C21orf58: variants seen among roughly 807,000 people sequenced by gnomAD.
C21orf58 encodes the protein uncharacterized protein C21orf58.
C21orf58 carries 34 observed loss-of-function variants against 35.8 expected under a neutral mutation model. The ratio of observed to expected loss-of-function variants is 0.95; its 90% CI spans 0.72 to 1.26. The LOEUF (loss-of-function observed/expected upper bound fraction) is 1.26, where lower values mean the gene tolerates loss of function less well. C21orf58 is among the 50% of genes most tolerant of loss of function. The pLI, the probability that C21orf58 is intolerant of heterozygous loss-of-function variation, is 0.00. For synonymous variants in C21orf58, 191 were observed against 175.8 expected, an observed-to-expected ratio of 1.09 and a Z score of -0.68; for missense variants, 440 against 414.3, an observed-to-expected ratio of 1.06 and a Z score of -0.54.
At chr21:46,316,292 C>A (rs764723995) in intron 3 of C21orf58, among the ~76,000 whole-genome samples, 2 of 152,090 alleles carry the variant, frequency 1.3e-5, no homozygotes, top group Non-Finnish European at 2.9e-5. Context: ...CCCTTCTCTA[C>A]TAAAAATACA....
chr21:46,303,853 G>A (rs2082290630), intron 6 of C21orf58, among the ~76,000 whole-genome samples: 2 of 143,762 alleles, frequency 1.4e-5, no homozygotes, highest in African/African-American at 5.2e-5. Context: ...CTGGGTTCAC[G>A]CCATTCTCCT....
At chr21:46,314,131 G>GTTTTTTTTTTTGT (rs140166854) in intron 5 of C21orf58, among the ~76,000 whole-genome samples, 47 of 145,086 alleles carry the variant, frequency 3.2e-4, no homozygotes, top group African/African-American at 9.2e-4. Context: ...GCATGATAAA[G>GTTTTTTTTTTTGT]TTTTTTTTTT....
intron 7 of C21orf58, 67 bp from the exon 8 acceptor site, chr21:46,302,221 T>TAG: frequency 7.0e-7 from 1 of 1,431,976 alleles, no homozygotes; most frequent in Non-Finnish European, 9.1e-7. Context: ...TCCCGCCCTG[T>TAG]TCCTAACTGG....
chr21:46,302,443 C>T, intron 7 of C21orf58, 42 bp downstream of exon 7: 1 of 1,470,450 alleles, frequency 6.8e-7, no homozygotes, highest in Non-Finnish European at 9.4e-7. Flanking sequence ...CCACCCAGGC[C>T]CTGTTTCCTT....
intron 1 of C21orf58, 139 bp from the exon 2 acceptor site, chr21:46,318,359 T>A: frequency 6.8e-7 from 1 of 1,469,846 alleles, no homozygotes; most frequent in Admixed American, 2.3e-5. Context: ...AGGTTTCCAC[T>A]GTGCGTCCTC....
downstream of C21orf58, chr21:46,300,526 A>T: frequency 1.9e-6 from 1 of 517,938 alleles, no homozygotes; most frequent in Non-Finnish European, 2.7e-6. Context: ...TTGAGCTTTT[A>T]ACGAGAGCAC....
At chr21:46,305,550 G>A (rs2082377349) in intron 6 of C21orf58, among the ~76,000 whole-genome samples, 2 of 151,994 alleles carry the variant, frequency 1.3e-5, no homozygotes, top group East Asian at 3.9e-4. Flanking sequence ...GGCTGGTCTT[G>A]AACTCCTAGG....
At chr21:46,316,007 C>A (rs1371409516) in intron 3 of C21orf58, among the ~76,000 whole-genome samples, 1 of 152,042 alleles carries the variant, frequency 6.6e-6, no homozygotes, top group Non-Finnish European at 1.5e-5. Context: ...CCCCCTAGTC[C>A]GGGCGTGGTG....
chr21:46,315,259 G>A, intron 4 of C21orf58: 2 of 593,308 alleles, frequency 3.4e-6, no homozygotes, highest in South Asian at 2.1e-5. Context: ...AGAATTTCAG[G>A]TCCTCCTGGA....
chr21:46,301,642 C>T lies in C21orf58; in HGVS notation c.*357G>A, dbSNP rs1483038949. Reference sequence around the variant, plus strand: ...AATCTTTATTTCATCAGGCTGGTGGCGTCCACGGCCTCAACTTTACCTCCG... The same window carrying T: ...AATCTTTATTTCATCAGGCTGGTGGTGTCCACGGCCTCAACTTTACCTCCG... On this transcript the variant is annotated 3_prime_UTR_variant, in exon 8 of 8. Transcript: ENST00000291691. The T allele has an allele frequency of 7.4e-6, 8 of 1,079,690 alleles. No individual in the cohort carries two copies. The highest frequency in any genetic ancestry group is 4.5e-5 in the South Asian group (1 of 22,188). 66.9% of individuals were successfully genotyped at this position (1,079,690 alleles called of 1,614,324 possible).
rs2083010560 is a variant in C21orf58, at chr21:46,317,330, G to A, written c.310-62C>T. 9 of 1,581,998 alleles carry A rather than the reference G, an allele frequency of 5.7e-6. 1 individual carries two copies. The South Asian group carries it at 1.0e-4, about 18-fold the overall frequency. On this transcript the variant is annotated intron_variant, in intron 2 of 7. Coordinates refer to ENST00000291691, the MANE Select transcript of C21orf58 (RefSeq NM_058180.5). ...CCACGCAAAGGCCCTGTGTGCTCCA[G>A]GAATGACTAAGAGGCTTTCTGAGTG...
chr21:46,319,666 A>C (rs1007246279), intron 1 of C21orf58, among the ~76,000 whole-genome samples: 1 of 152,190 alleles, frequency 6.6e-6, no homozygotes, highest in African/African-American at 2.4e-5. Context: ...AGGGAGGCTG[A>C]GGCAGGCAGA....
intron 2 of C21orf58, among the ~76,000 whole-genome samples, chr21:46,317,701 G>T (rs138611493): frequency 9.2e-5 from 14 of 152,314 alleles, no homozygotes; most frequent in African/African-American, 3.4e-4. Context: ...GCTGGCGAAA[G>T]GTGGGCAGCA....
chr21:46,322,810 G>T lies in C21orf58; in HGVS notation c.-72C>A. Reference sequence around the variant, plus strand: ...AAAAAATTCTGAGCGAGATTCCAGGGCTTCCTGAGGGCGCGTTTAAGTTGC... The same window carrying T: ...AAAAAATTCTGAGCGAGATTCCAGGTCTTCCTGAGGGCGCGTTTAAGTTGC... On this transcript the variant is annotated 5_prime_UTR_variant, in exon 1 of 8. Transcript: ENST00000291691. 1 of 1,065,832 alleles carries T rather than the reference G, an allele frequency of 9.4e-7. No individual in the cohort carries two copies. The allele number at this position is 1,065,832 out of a possible 1,614,324, so 66.0% of individuals were successfully genotyped here.
chr21:46,313,856 T>C (rs1430454402), intron 5 of C21orf58, among the ~76,000 whole-genome samples: 1 of 152,072 alleles, frequency 6.6e-6, no homozygotes, highest in Non-Finnish European at 1.5e-5. Context: ...TGTCTAGAAA[T>C]TCCCACCTCA....
chr21:46,316,202 T>C (rs987192547), intron 3 of C21orf58, among the ~76,000 whole-genome samples: 3 of 151,688 alleles, frequency 2.0e-5, no homozygotes, highest in African/African-American at 7.3e-5. Flanking sequence ...ACACCTATAA[T>C]CTCAGCACTT....
intron 1 of C21orf58, 23 bp from the exon 2 acceptor site, chr21:46,318,243 T>C (rs2083049242): frequency 6.2e-7 from 1 of 1,610,030 alleles, no homozygotes; most frequent in Non-Finnish European, 8.5e-7. Context: ...AAGAGCCCTG[T>C]GGGAAGATAG....
Position 46,306,431 on chromosome 21 carries a change from G to A in C21orf58, c.722-3855C>T, listed in dbSNP as rs149435091. On this transcript the variant is annotated intron_variant, in intron 6 of 7. Transcript: ENST00000291691. The stretch of plus-strand genomic sequence containing the variant: ...GGAGAATCGCTTCAACCTAGGAGGC[G>A]GAGGTTGCATTGAGCTGAGATCATG... Among the ~76,000 whole-genome samples, 579 of 151,842 alleles carry A rather than the reference G, an allele frequency of 3.8e-3. 2 individuals are homozygous for A. Among genetic ancestry groups the A allele is most frequent in the Non-Finnish European group, 5.9e-3 (403 of 67,936 alleles).
chr21:46,322,759 G>A lies in C21orf58; in HGVS notation c.-21C>T. ...GCCATTGCGCTATAGCCTGGGCGTC[G>A]CAGCGAGACTGTCTCAAAAAAAGAA... On this transcript the variant is annotated 5_prime_UTR_variant, in exon 1 of 8. Coordinates refer to ENST00000291691, the MANE Select transcript of C21orf58 (RefSeq NM_058180.5). 1 of 1,424,146 alleles carries A rather than the reference G, an allele frequency of 7.0e-7. No homozygotes were observed. Among genetic ancestry groups the A allele is most frequent in the Non-Finnish European group, 9.3e-7 (1 of 1,071,852 alleles). The allele number at this position is 1,424,146 out of a possible 1,614,324, so 88.2% of individuals were successfully genotyped here.
Sources: gnomAD v4.1 joint callset for allele counts (sites outside exome capture counted in the v4.1 genomes callset) on GRCh38, gnomAD v4.1.1 for gene constraint, MANE v1.5 for transcripts, NCBI Gene and HGNC (gene_info 2026-07-23, HGNC 2026-07-21) for gene names.